MBP: variants seen among roughly 807,000 people sequenced by gnomAD.
The protein encoded by MBP is myelin basic protein, also known as Golli-MBP.
Under a neutral mutation model 35.8 loss-of-function variants are expected in MBP, and 16 were observed. The observed-to-expected ratio is 0.45, with a 90% CI of 0.30 to 0.68. The LOEUF is 0.68. MBP is among the 30% of genes least tolerant of loss of function. The pLI is 0.08. For synonymous variants in MBP, 143 were observed against 159.6 expected, an observed-to-expected ratio of 0.90 and a Z score of 0.78; for missense variants, 380 against 404.7, an observed-to-expected ratio of 0.94 and a Z score of 0.52.
At chr18:77,122,286 C>G (rs1976907563) in intron 1 of MBP, among the ~76,000 whole-genome samples, 1 of 152,184 alleles carries the variant, frequency 6.6e-6, no homozygotes, top group South Asian at 2.1e-4. Context: ...CTGGAGAAGA[C>G]AGCCATCCTT....
At chr18:77,004,153 T>C (rs1209161362) in intron 4 of MBP, 1 of 152,224 alleles carries the variant, frequency 6.6e-6, no homozygotes, top group East Asian at 1.9e-4. Context: ...GACTTCATAA[T>C]GCTCTGGCAA....
Position 76,997,596 on chromosome 18 carries a change from A to G in MBP, c.577-7536T>C, listed in dbSNP as rs575596482. Among the ~76,000 whole-genome samples, 13 of 152,354 alleles carry G rather than the reference A, an allele frequency of 8.5e-5. No homozygotes were observed. In the South Asian group the frequency reaches 2.7e-3, roughly 32 times the overall value. On this transcript the variant is annotated intron_variant, in intron 4 of 8. Coordinates refer to ENST00000355994, the MANE Select transcript of MBP (RefSeq NM_001025101.2). The stretch of plus-strand genomic sequence containing the variant: ...AGCTTTTGTGCTGAGCACGGGAAGA[A>G]AAGCCCAGGAGCACGCCTCGGTGTC...
intron 1 of MBP, among the ~76,000 whole-genome samples, chr18:77,111,323 T>C (rs1367712583): frequency 6.6e-6 from 1 of 152,218 alleles, no homozygotes; most frequent in Admixed American, 6.5e-5. Context: ...CAGAAAAGGC[T>C]TCTCTGACCC....
intron 2 of MBP, among the ~76,000 whole-genome samples, chr18:77,072,338 C>T (rs1974486681): frequency 6.6e-6 from 1 of 152,188 alleles, no homozygotes; most frequent in South Asian, 2.1e-4. Flanking sequence ...CTGCCGTAGA[C>T]AGATCTAATT....
At position 77,017,031 on chromosome 18, in the gene MBP, G is replaced by C. The variant is rs1219523449; in HGVS notation, c.377C>G (p.Ala126Gly). ...CATCACATCCAGGCTCTCGGAGGTGGCTGCACTGTCTTCTTGGATGGTCTG... is the reference window on the plus strand; with the variant it reads ...CATCACATCCAGGCTCTCGGAGGTGCCTGCACTGTCTTCTTGGATGGTCTG... Reference protein sequence around the residue: ...ELQTIQEDSAATSESLDVMAS... With the variant: ...ELQTIQEDSAGTSESLDVMAS... The change falls in exon 4 of 9, where the codon GCC becomes GGC. Residue 126 changes from alanine (A) to glycine (G), a missense_variant. By Grantham distance (60) the Ala-to-Gly change is moderately conservative. Coordinates refer to ENST00000355994, the MANE Select transcript of MBP (RefSeq NM_001025101.2). The C allele has an allele frequency of 2.5e-6, 4 of 1,614,044 alleles. No individual in the cohort carries two copies. Among genetic ancestry groups the C allele is most frequent in the Non-Finnish European group, 2.5e-6 (3 of 1,180,044 alleles).
intron 2 of MBP, among the ~76,000 whole-genome samples, chr18:77,094,496 G>A (rs570588294): frequency 2.6e-5 from 4 of 152,348 alleles, no homozygotes; most frequent in Middle Eastern, 3.4e-3. Context: ...CGGGTGCCAC[G>A]TTAAATGACG....
In MBP at chr18:76,986,629, C is replaced by A. The variant is rs866914544; in HGVS notation, c.751-1735G>T. ...GGCAAGAAGGTCTAAGCACTGCACACGAGGGGACAGCCAGCCTCGCTCTTG... is the reference window on the plus strand; with the variant it reads ...GGCAAGAAGGTCTAAGCACTGCACAAGAGGGGACAGCCAGCCTCGCTCTTG... On this transcript the variant is annotated intron_variant, in intron 7 of 8. Transcript: ENST00000355994. 1.9e-4 allele frequency: 184 copies of A among 985,534 alleles called. No individual in the cohort carries two copies. The African/African-American group carries it at 2.8e-3, about 15-fold the overall frequency. 61.0% of individuals were successfully genotyped at this position (985,534 alleles called of 1,614,324 possible). A position where few individuals can be genotyped will look rare whatever the true frequency, so the allele number is the denominator to read the frequency against.
chr18:77,105,037 C>T (rs1234161579), intron 2 of MBP, among the ~76,000 whole-genome samples, 174 bp downstream of exon 2: 4 of 103,864 alleles, frequency 3.9e-5, no homozygotes, highest in Non-Finnish European at 7.9e-5. Flanking sequence ...AATAATCAAT[C>T]GTAATAAATC....
chr18:77,131,802 T>C lies in MBP; in HGVS notation c.-26+778A>G, dbSNP rs931680164. The stretch of plus-strand genomic sequence containing the variant: ...GACGCACCCGGCCCAGGACAGGCAG[T>C]GGGGCCCAGGAGGGGACTGCCGGGA... On this transcript the variant is annotated intron_variant, in intron 1 of 8. Coordinates refer to ENST00000355994, the MANE Select transcript of MBP (RefSeq NM_001025101.2). The surrounding 1 kb of genome is among the most constrained non-coding windows in gnomAD (Gnocchi z 5.5). 2.6e-5 allele frequency: 4 copies of C among 151,930 alleles called. No homozygotes were observed. Among genetic ancestry groups the C allele is most frequent in the Non-Finnish European group, 5.9e-5 (4 of 68,086 alleles). 9.4% of individuals were successfully genotyped at this position (151,930 alleles called of 1,614,324 possible).
intron 3 of MBP, among the ~76,000 whole-genome samples, chr18:77,063,423 A>C (rs372171915): frequency 6.6e-6 from 1 of 152,110 alleles, no homozygotes; most frequent in Non-Finnish European, 1.5e-5. Context: ...GGATGCCTGG[A>C]CCACAAGCTC....
intron 1 of MBP, among the ~76,000 whole-genome samples, chr18:77,121,547 A>G (rs2047316521): frequency 2.0e-5 from 3 of 152,328 alleles, no homozygotes; most frequent in African/African-American, 7.2e-5. Flanking sequence ...TCTGAAATGA[A>G]TAAGGTGAGC....
At chr18:77,097,530 C>T (rs1033952383) in intron 2 of MBP, 3 of 152,262 alleles carry the variant, frequency 2.0e-5, no homozygotes, top group Non-Finnish European at 4.4e-5. Flanking sequence ...CAGCTACCCT[C>T]GGGAGACAGA....
At chr18:77,058,181 C>T (rs1158433662) in intron 3 of MBP, among the ~76,000 whole-genome samples, 2 of 152,122 alleles carry the variant, frequency 1.3e-5, no homozygotes, top group Admixed American at 6.5e-5. Context: ...AGGGACCCTC[C>T]GGGGAGAAGA....
intron 1 of MBP, among the ~76,000 whole-genome samples, chr18:77,122,925 CCTT>C (rs1221593210): frequency 6.6e-6 from 1 of 152,226 alleles, no homozygotes; most frequent in Non-Finnish European, 1.5e-5. Context: ...AGCACAACCC[CCTT>C]CTTTAGAAAG....
At chr18:77,122,815 T>A (rs1202756548) in intron 1 of MBP, among the ~76,000 whole-genome samples, 1 of 152,186 alleles carries the variant, frequency 6.6e-6, no homozygotes, top group Non-Finnish European at 1.5e-5. Flanking sequence ...AGTGCTGGGA[T>A]TACAGGCATG....
chr18:77,008,851 C>T (rs1358513440), intron 4 of MBP, among the ~76,000 whole-genome samples: 1 of 152,220 alleles, frequency 6.6e-6, no homozygotes, highest in African/African-American at 2.4e-5. Flanking sequence ...TCAGGGCCTC[C>T]AAGTTTTGGC....
intron 2 of MBP, among the ~76,000 whole-genome samples, chr18:77,071,117 C>CA (rs1304153566): frequency 6.6e-6 from 1 of 152,058 alleles, no homozygotes; most frequent in Non-Finnish European, 1.5e-5. Context: ...CTAATCATCA[C>CA]AAAAAAGGCT....
Position 76,988,697 on chromosome 18 carries a change from C to T in MBP, c.718-170G>A, listed in dbSNP as rs1599473767. The T allele has an allele frequency of 1.4e-6, 2 of 1,387,192 alleles. No homozygotes were observed. Among genetic ancestry groups the T allele is most frequent in the South Asian group, 1.4e-5 (1 of 73,160 alleles). 85.9% of individuals were successfully genotyped at this position (1,387,192 alleles called of 1,614,324 possible). A position where few individuals can be genotyped will look rare whatever the true frequency, so the allele number is the denominator to read the frequency against. On this transcript the variant is annotated intron_variant, in intron 6 of 8. Transcript: ENST00000355994. This position sits in a 1 kb window ranked among gnomAD's most constrained non-coding sequence, Gnocchi z 5.2. ...CAGGGCCACAGCGGCTGTGCAGGTG[C>T]GGGAGGGACAGGAGGGGTGCATGGA...
intron 2 of MBP, among the ~76,000 whole-genome samples, chr18:77,088,018 G>A (rs772930885): frequency 6.6e-6 from 1 of 152,108 alleles, no homozygotes; most frequent in Non-Finnish European, 1.5e-5. Flanking sequence ...GGCAAGGAAC[G>A]GCCTTGGCGA....
Sources: allele counts gnomAD v4.1 joint callset (sites outside exome capture counted in the v4.1 genomes callset), GRCh38; gene constraint gnomAD v4.1.1; non-coding constraint Gnocchi (gnomAD v3.1); transcripts MANE v1.5; gene names NCBI Gene and HGNC (gene_info 2026-07-23, HGNC 2026-07-21).